The following LIX1 variants were observed in gnomAD, a reference collection of about 807,000 sequenced individuals.
LIX1 encodes limb and CNS expressed 1.
A neutral mutation model predicts 33.4 loss-of-function variants in LIX1; 24 were observed. The ratio of observed to expected loss-of-function variants is 0.72; its 90% CI spans 0.52 to 1.01. The LOEUF (loss-of-function observed/expected upper bound fraction) is 1.01. Ranked by LOEUF, LIX1 falls within the 50% of genes least tolerant of loss-of-function variation. LIX1 has a pLI of 0.00. For synonymous variants in LIX1, 124 were observed against 124.0 expected (o/e 1.00, Z 0.00); for missense variants, 311 against 339.2 (o/e 0.92, Z 0.65).
intron 2 of LIX1, among the ~76,000 whole-genome samples, chr5:97,119,847 C>T (rs989929409): frequency 2.0e-5 from 3 of 151,530 alleles, no homozygotes; most frequent in South Asian, 4.2e-4. Flanking sequence ...TATACTTCTC[C>T]GGGTAGCAAA....
intron 1 of LIX1, among the ~76,000 whole-genome samples, chr5:97,133,877 T>C (rs896619228): frequency 6.6e-6 from 1 of 152,194 alleles, no homozygotes; most frequent in Non-Finnish European, 1.5e-5. Context: ...AGAAACCATA[T>C]AGTTCATTGC....
intron 4 of LIX1, 36 bp downstream of exon 4, chr5:97,105,154 G>C (rs1352437404): frequency 1.9e-6 from 3 of 1,545,198 alleles, no homozygotes; most frequent in Non-Finnish European, 2.7e-6. Flanking sequence ...TTCTGGATTG[G>C]ATAATCAAAC....
intron 1 of LIX1, among the ~76,000 whole-genome samples, chr5:97,128,045 C>T (rs1747972871): frequency 1.3e-5 from 2 of 152,154 alleles, no homozygotes; most frequent in Non-Finnish European, 2.9e-5. Context: ...TGAATGAATC[C>T]ATCAATCAAT....
intron 4 of LIX1, among the ~76,000 whole-genome samples, chr5:97,104,024 A>T (rs888680087): frequency 9.2e-5 from 14 of 151,796 alleles, no homozygotes; most frequent in African/African-American, 3.4e-4. Context: ...AAGAAAGAGC[A>T]TTTTTGCCGC....
chr5:97,128,477 C>T (rs1289749464), intron 1 of LIX1, among the ~76,000 whole-genome samples: 1 of 152,158 alleles, frequency 6.6e-6, no homozygotes, highest in Non-Finnish European at 1.5e-5. Context: ...CAGCTATTCT[C>T]CTTGAATGAT....
chr5:97,093,376 A>G lies in LIX1; in HGVS notation c.*1372T>C, dbSNP rs1746172431. The stretch of plus-strand genomic sequence containing the variant: ...AAAAACATTTTCTTTAATTTGGACT[A>G]CTGAATAAAATGCAGAATAATCATT... On this transcript the variant is annotated 3_prime_UTR_variant, in exon 6 of 6. Coordinates refer to ENST00000274382, the MANE Select transcript of LIX1 (RefSeq NM_153234.5). The G allele has an allele frequency of 6.6e-6, 1 of 152,336 alleles. No individual in the cohort carries two copies. Among genetic ancestry groups the G allele is most frequent in the African/African-American group, 2.4e-5 (1 of 41,454 alleles). 9.4% of individuals were successfully genotyped at this position (152,336 alleles called of 1,614,324 possible).
chr5:97,136,856 C>A (rs1561506379), intron 1 of LIX1, among the ~76,000 whole-genome samples: 1 of 149,186 alleles, frequency 6.7e-6, no homozygotes, highest in Admixed American at 6.7e-5. Context: ...CAATAGGATT[C>A]TTTTTTTTTT....
At chr5:97,123,035 A>G (rs1309018947) in intron 2 of LIX1, among the ~76,000 whole-genome samples, 1 of 152,170 alleles carries the variant, frequency 6.6e-6, no homozygotes, top group Non-Finnish European at 1.5e-5. Flanking sequence ...TCAAGATGTC[A>G]CATCTCTCGG....
At chr5:97,100,262 A>G (rs1255184973) in intron 4 of LIX1, among the ~76,000 whole-genome samples, 4 of 152,174 alleles carry the variant, frequency 2.6e-5, no homozygotes, top group Admixed American at 6.5e-5. Flanking sequence ...AAGAGACTTG[A>G]ACTGCTTTCG....
chr5:97,130,268 T>C (rs2112794521), intron 1 of LIX1, among the ~76,000 whole-genome samples: 1 of 152,374 alleles, frequency 6.6e-6, no homozygotes, highest in East Asian at 1.9e-4. Flanking sequence ...AGGCCAGGTC[T>C]CTGCCTCGTT....
At chr5:97,123,687 C>T (rs936465445) in intron 2 of LIX1, among the ~76,000 whole-genome samples, 4 of 152,296 alleles carry the variant, frequency 2.6e-5, no homozygotes, top group Middle Eastern at 3.4e-3. Context: ...TAGAATAAAA[C>T]CTGTACTGCT....
chr5:97,114,767 A>C (rs1561498061), intron 2 of LIX1, among the ~76,000 whole-genome samples: 1 of 152,154 alleles, frequency 6.6e-6, no homozygotes, highest in Non-Finnish European at 1.5e-5. Flanking sequence ...AGCAGAACCA[A>C]GTTTTGTGGG....
intron 2 of LIX1, among the ~76,000 whole-genome samples, chr5:97,119,747 T>C (rs944307661): frequency 1.3e-5 from 2 of 152,272 alleles, no homozygotes; most frequent in South Asian, 4.1e-4. Context: ...TCTTTTCTTT[T>C]TTTTTTAAGA....
At chr5:97,107,326 C>T in intron 3 of LIX1, 34 bp downstream of exon 3, 2 of 1,597,278 alleles carry the variant, frequency 1.3e-6, no homozygotes, top group Non-Finnish European at 1.7e-6. Flanking sequence ...ATTCTCAGTG[C>T]AGCCATCTCC....
chr5:97,120,942 T>C (rs1363928731), intron 2 of LIX1, among the ~76,000 whole-genome samples: 2 of 152,212 alleles, frequency 1.3e-5, no homozygotes, highest in African/African-American at 4.8e-5. Flanking sequence ...ATGATTTATA[T>C]AGTATTCTTA....
chr5:97,129,288 A>C (rs922161071), intron 1 of LIX1, among the ~76,000 whole-genome samples: 4 of 152,160 alleles, frequency 2.6e-5, no homozygotes, highest in African/African-American at 9.7e-5. Flanking sequence ...AAGAAAGTGC[A>C]CGCCCTACCC....
Position 97,124,557 on chromosome 5 carries a change from C to A in LIX1, c.155G>T (p.Gly52Val), listed in dbSNP as rs552442379. 2 of 1,612,142 alleles carry A rather than the reference C, an allele frequency of 1.2e-6. No individual in the cohort carries two copies. Among genetic ancestry groups the A allele is most frequent in the South Asian group, 2.2e-5 (2 of 90,796 alleles). ...QQQKAAFPSE[G>V]VVVYESLPAP... is the part of the protein sequence containing the mutation. ...TGGCAGTGACTCATAGACCACCACA[C>A]CTTCACTTGGGAATGCAGCCTTCTG... The change falls in exon 2 of 6, where the codon GGT becomes GTT. Residue 52 changes from glycine to valine, a missense_variant. Transcript: ENST00000274382.
intron 2 of LIX1, among the ~76,000 whole-genome samples, chr5:97,108,412 T>G (rs758404067): frequency 2.0e-4 from 31 of 152,234 alleles, no homozygotes; most frequent in Non-Finnish European, 4.1e-4. Flanking sequence ...ACTGGCTTTC[T>G]GTGGCTCATA....
In LIX1 at chr5:97,094,190, T is replaced by C. The variant is rs775601923; in HGVS notation, c.*558A>G. ...ACTATTACTATTTCAAGATCTTTGA[T>C]GGTGGGATGTCCAGATAAAATCCCC... On this transcript the variant is annotated 3_prime_UTR_variant, in exon 6 of 6. Transcript: ENST00000274382. The C allele has an allele frequency of 5.3e-5, 8 of 152,072 alleles. No individual in the cohort carries two copies. The highest frequency in any genetic ancestry group is 2.0e-4 in the Admixed American group (3 of 15,204). The allele number at this position is 152,072 out of a possible 1,614,324, so 9.4% of individuals were successfully genotyped here.
Sources: gnomAD v4.1 joint callset for allele counts (sites outside exome capture counted in the v4.1 genomes callset) on GRCh38, gnomAD v4.1.1 for gene constraint, MANE v1.5 for transcripts, NCBI Gene and HGNC (gene_info 2026-07-23, HGNC 2026-07-21) for gene names.